OXTR: variants seen among roughly 807,000 people sequenced by gnomAD.
The protein encoded by OXTR is oxytocin receptor.
OXTR carries 19 observed loss-of-function variants against 23.9 expected under a neutral mutation model. The observed-to-expected ratio is 0.80, with a 90% CI of 0.56 to 1.17. The LOEUF (loss-of-function observed/expected upper bound fraction) is 1.17. OXTR is among the 50% of genes most tolerant of loss of function. The probability of loss-of-function intolerance (pLI) is 0.00; values close to 1 mark genes in which losing one functional copy is unlikely to be tolerated. For missense variants in OXTR, 500 were observed against 550.7 expected (o/e 0.91, Z 0.92); for synonymous variants, 278 against 250.5 (o/e 1.11, Z -1.04).
rs537713439 is a variant in OXTR at position 8,760,101 on chromosome 3, A to G, written c.923-6877T>C. ...AAATGCTAGGCCTGTACCCAAAATG[A>G]CTCCCACTCCATCAGCTACACTGAC... On this transcript the variant is annotated intron_variant, in intron 3 of 3. Coordinates refer to ENST00000316793, the MANE Select transcript of OXTR (RefSeq NM_000916.4). Among the ~76,000 whole-genome samples the G allele has an allele frequency of 2.0e-4, 30 of 151,974 alleles. 1 individual carries two copies. In the South Asian group the frequency reaches 3.5e-3, roughly 18 times the overall value.
At position 8,768,313 on chromosome 3, in the gene OXTR, G is replaced by T. The variant is rs1211234168; in HGVS notation, c.-126C>A. ...TCCACTCCTGGAGACTCCACGGACG[G>T]ATCTGCTGGGTCCACCCTGAAACAA... is the stretch of plus-strand genomic sequence containing the variant. On this transcript the variant is annotated 5_prime_UTR_variant, in exon 3 of 4. Transcript: ENST00000316793. This position sits in a 1 kb window ranked among gnomAD's most constrained non-coding sequence, Gnocchi z 5.4. The T allele has an allele frequency of 1.7e-5, 21 of 1,211,948 alleles. No individual in the cohort carries two copies. The highest frequency in any genetic ancestry group is 2.0e-5 in the Non-Finnish European group (20 of 975,748). The allele number at this position is 1,211,948 out of a possible 1,614,324, so 75.1% of individuals were successfully genotyped here.
intron 3 of OXTR, among the ~76,000 whole-genome samples, chr3:8,766,846 G>A (rs147325226): frequency 1.1e-3 from 171 of 152,272 alleles, no homozygotes; most frequent in Non-Finnish European, 1.3e-3. Context: ...TAAAGTTGAA[G>A]GAGCTTGAGC....
chr3:8,758,362 A>C (rs1424883738), intron 3 of OXTR, among the ~76,000 whole-genome samples: 1 of 152,018 alleles, frequency 6.6e-6, no homozygotes, highest in Non-Finnish European at 1.5e-5. Flanking sequence ...GTTTCATATG[A>C]CTCAAAGACA....
chr3:8,768,478 A>C lies in OXTR; in HGVS notation c.-143+18T>G. 1 of 312,156 alleles carries C rather than the reference A, an allele frequency of 3.2e-6. No homozygotes were observed. Among genetic ancestry groups the C allele is most frequent in the Non-Finnish European group, 5.7e-6 (1 of 175,128 alleles). The allele number at this position is 312,156 out of a possible 1,614,324, so 19.3% of individuals were successfully genotyped here. A position where few individuals can be genotyped will look rare whatever the true frequency, so the allele number is the denominator to read the frequency against. ...CGGGTTGCTCAGCCGCCACCCCAGA[A>C]ATCCCCGTTGGAGGTACCTCCTCTG... On this transcript the variant is annotated intron_variant, in intron 2 of 3. Coordinates refer to ENST00000316793, the MANE Select transcript of OXTR (RefSeq NM_000916.4). This position sits in a 1 kb window ranked among gnomAD's most constrained non-coding sequence, Gnocchi z 5.4.
intron 3 of OXTR, among the ~76,000 whole-genome samples, chr3:8,765,201 C>A (rs1217360353): frequency 6.6e-6 from 1 of 152,204 alleles, no homozygotes; most frequent in African/African-American, 2.4e-5. Flanking sequence ...ATCTAAACTT[C>A]GCTTCACGGT....
At chr3:8,756,035 T>C (rs995216571) in intron 3 of OXTR, among the ~76,000 whole-genome samples, 1 of 152,180 alleles carries the variant, frequency 6.6e-6, no homozygotes, top group Non-Finnish European at 1.5e-5. Flanking sequence ...CCCACTTTAC[T>C]GTATGGGCAA....
downstream of OXTR, chr3:8,746,169 A>C (rs1181827254): frequency 3.3e-6 from 1 of 306,790 alleles, no homozygotes; most frequent in African/African-American, 2.1e-5. Flanking sequence ...AACAACATAA[A>C]CCAGCACGCG....
At chr3:8,760,502 T>C (rs1438159561) in intron 3 of OXTR, among the ~76,000 whole-genome samples, 1 of 152,138 alleles carries the variant, frequency 6.6e-6, no homozygotes, top group Non-Finnish European at 1.5e-5. Flanking sequence ...TTTTTTGGAG[T>C]GAATGACTTA....
In OXTR at chr3:8,760,641, T is replaced by C. The variant is rs192145329; in HGVS notation, c.922+6625A>G. On this transcript the variant is annotated intron_variant, in intron 3 of 3. Transcript: ENST00000316793. Reference sequence around the variant, plus strand: ...AAAGCTCCTAGGAACACCCTGTTCATAGACCATGAGGTAAAAGGCATCCCC... The same window carrying C: ...AAAGCTCCTAGGAACACCCTGTTCACAGACCATGAGGTAAAAGGCATCCCC... Among the ~76,000 whole-genome samples, 32 of 152,318 alleles carry C rather than the reference T, an allele frequency of 2.1e-4. No homozygotes were observed. The East Asian group carries it at 6.0e-3, about 28-fold the overall frequency.
chr3:8,760,687 G>A lies in OXTR; in HGVS notation c.922+6579C>T, dbSNP rs1173815793. 2.0e-5 allele frequency among the ~76,000 whole-genome samples: 3 copies of A among 152,344 alleles called. No homozygotes were observed. The East Asian group carries it at 5.8e-4, about 29-fold the overall frequency. On this transcript the variant is annotated intron_variant, in intron 3 of 3. Coordinates refer to ENST00000316793, the MANE Select transcript of OXTR (RefSeq NM_000916.4). The stretch of plus-strand genomic sequence containing the variant: ...TCCCCTGGAGTTGTGCCACAAAGCA[G>A]CCCACACAATGGACTTGGGCTTCAA...
downstream of OXTR, among the ~76,000 whole-genome samples, chr3:8,747,443 C>T (rs976799514): frequency 1.3e-5 from 2 of 152,190 alleles, no homozygotes; most frequent in Non-Finnish European, 2.9e-5. Context: ...TCTTACATCC[C>T]TATTCATCTA....
At position 8,768,080 on chromosome 3, in the gene OXTR, C is replaced by T. The variant is rs1161952422; in HGVS notation, c.108G>A (p.Glu36=). 14 of 1,493,222 alleles carry T rather than the reference C, an allele frequency of 9.4e-6. No individual in the cohort carries two copies. The highest frequency in any genetic ancestry group is 1.4e-5 in the African/African-American group (1 of 69,108). The allele number at this position is 1,493,222 out of a possible 1,614,324, so 92.5% of individuals were successfully genotyped here. The change falls in exon 3 of 4, where the codon GAG becomes GAA. Residue 36 remains glutamate (E), a synonymous_variant. Coordinates refer to ENST00000316793, the MANE Select transcript of OXTR (RefSeq NM_000916.4). This position sits in a 1 kb window ranked among gnomAD's most constrained non-coding sequence, Gnocchi z 5.4. ...CCGCCACCTCCACGCGCGCCAGGGC[C>T]TCGTTGCGCCGCGGGGGTCCGGCGG... ...NRTAGPPRRN[E]ALARVEVAVL...
Position 8,765,368 on chromosome 3 carries a change from G to C in OXTR, c.922+1898C>G, listed in dbSNP as rs1244215506. 2.6e-5 allele frequency among the ~76,000 whole-genome samples: 4 copies of C among 152,170 alleles called. No individual in the cohort carries two copies. In the East Asian group the frequency reaches 7.7e-4, roughly 29 times the overall value. ...TCACCAGAGACTCAAGACATGAATG[G>C]GAGAGGCGAGGGGACCCCAAGGAGA... On this transcript the variant is annotated intron_variant, in intron 3 of 3. Transcript: ENST00000316793.
the OXTR span, chr3:8,742,451 G>A: frequency 9.6e-5 from 44 of 456,030 alleles, 1 homozygote; most frequent in South Asian, 4.0e-4. Flanking sequence ...TGTAAGTACT[G>A]TACTTACTAC....
chr3:8,743,861 T>C, the OXTR span, among the ~76,000 whole-genome samples: 2 of 152,318 alleles, frequency 1.3e-5, no homozygotes. Context: ...AATAGAGAAG[T>C]ACAAACCCAA....
Position 8,767,788 on chromosome 3 carries a change from A to T in OXTR, c.400T>A (p.Ser134Thr). Reference sequence around the variant, plus strand: ...CAGATGGCCAGGCAGCGGTCCAGGGACATGAGCAGCAGCAGGTAGGTGGAG... The same window carrying T: ...CAGATGGCCAGGCAGCGGTCCAGGGTCATGAGCAGCAGCAGGTAGGTGGAG... ...FASTYLLLLM[S>T]LDRCLAICQP... Residue 134 changes from serine (S) to threonine (T), a missense_variant, in exon 3 of 4, where the codon TCC becomes ACC. Coordinates refer to ENST00000316793, the MANE Select transcript of OXTR (RefSeq NM_000916.4). 2.5e-6 allele frequency: 4 copies of T among 1,607,840 alleles called. No homozygotes were observed. The highest frequency in any genetic ancestry group is 3.4e-6 in the Non-Finnish European group (4 of 1,177,262).
Position 8,768,226 on chromosome 3 carries a change from T to C in OXTR, c.-39A>G. The C allele has an allele frequency of 7.9e-7, 1 of 1,271,586 alleles. No homozygotes were observed. Among genetic ancestry groups the C allele is most frequent in the Non-Finnish European group, 9.9e-7 (1 of 1,014,570 alleles). The allele number at this position is 1,271,586 out of a possible 1,614,324, so 78.8% of individuals were successfully genotyped here. On this transcript the variant is annotated 5_prime_UTR_variant, in exon 3 of 4. Transcript: ENST00000316793. This position sits in a 1 kb window ranked among gnomAD's most constrained non-coding sequence, Gnocchi z 5.4. ...GCGGTGCGCCCCGGCCTTCGAGCCC[T>C]TTACGGCTTGGCGCGGCTGGGCCGG... is the stretch of plus-strand genomic sequence containing the variant.
downstream of OXTR, among the ~76,000 whole-genome samples, chr3:8,748,886 A>AT (rs538909950): frequency 5.1e-4 from 77 of 152,032 alleles, no homozygotes; most frequent in East Asian, 9.7e-4. Context: ...TATGTGTCAG[A>AT]TTTTTTTTTC....
downstream of OXTR, chr3:8,745,554 C>G (rs1060502317): frequency 4.3e-6 from 7 of 1,614,030 alleles, no homozygotes; most frequent in Non-Finnish European, 5.9e-6. The surrounding 1 kb of genome is among the most constrained non-coding windows in gnomAD (Gnocchi z 4.8). Flanking sequence ...ATCGCAGAGC[C>G]TGTGGGCACC....
Sources: allele counts gnomAD v4.1 joint callset (sites outside exome capture counted in the v4.1 genomes callset), GRCh38; gene constraint gnomAD v4.1.1; non-coding constraint Gnocchi (gnomAD v3.1); transcripts MANE v1.5; gene names NCBI Gene and HGNC (gene_info 2026-07-23, HGNC 2026-07-21).